OIT3: variants seen among roughly 807,000 people sequenced by gnomAD.
OIT3 encodes the protein oncoprotein-induced transcript 3 protein.
In OIT3, 41 loss-of-function variants were observed where a neutral mutation model predicts 52.2. That is an observed-to-expected ratio of 0.79 (90% CI 0.61 to 1.02). The LOEUF (loss-of-function observed/expected upper bound fraction) is 1.02. Ranked by LOEUF, OIT3 falls within the 50% of genes least tolerant of loss-of-function variation. The pLI is 0.00. For synonymous variants in OIT3, 244 were observed against 276.9 expected (o/e 0.88, Z 1.18); for missense variants, 634 against 715.5 (o/e 0.89, Z 1.30).
At chr10:72,932,227 T>C in intron 8 of OIT3, 127 bp from the exon 9 acceptor site, 1 of 844,026 alleles carries the variant, frequency 1.2e-6, no homozygotes, top group Non-Finnish European at 1.9e-6. Flanking sequence ...TGATAAACTC[T>C]ACTTGTGGAT....
Position 72,930,571 on chromosome 10 carries a change from A to G in OIT3, c.1401A>G (p.Thr467=), listed in dbSNP as rs557038089. 2.2e-5 allele frequency: 36 copies of G among 1,613,760 alleles called. No individual in the cohort carries two copies. The South Asian group carries it at 3.8e-4, about 17-fold the overall frequency. ...CVSDDSVKQY[T]SRDHLAKHFQ... is the part of the protein sequence containing the mutation. Reference sequence around the variant, plus strand: ...CAGATGACTCGGTAAAGCAGTACACATCCCGGGATCACCTAGCAAAGCACT... The same window carrying G: ...CAGATGACTCGGTAAAGCAGTACACGTCCCGGGATCACCTAGCAAAGCACT... The change falls in exon 8 of 9, where the codon ACA becomes ACG. Residue 467 remains threonine, a synonymous_variant. Coordinates refer to ENST00000334011, the MANE Select transcript of OIT3 (RefSeq NM_152635.3).
chr10:72,894,812 C>T (rs776366130), intron 1 of OIT3, among the ~76,000 whole-genome samples: 2 of 151,962 alleles, frequency 1.3e-5, no homozygotes, highest in East Asian at 1.9e-4. Context: ...CACTTGAACT[C>T]GGGATGTGGA....
In OIT3 at chr10:72,924,468, T is replaced by A; in HGVS notation, c.1191T>A (p.Asn397Lys). ...FPFTLEIFKDNEFEEPYREAL... is the reference protein window; with the variant it reads ...FPFTLEIFKDKEFEEPYREAL... ...TCACTCTGGAGATCTTCAAGGACAA[T>A]GAGTTTGAAGAGCCTTACCGGGAAG... Residue 397 changes from asparagine (N) to lysine (K), a missense_variant, in exon 7 of 9, where the codon AAT becomes AAA. Transcript: ENST00000334011. The A allele has an allele frequency of 6.2e-7, 1 of 1,614,152 alleles. No individual in the cohort carries two copies. The highest frequency in any genetic ancestry group is 8.5e-7 in the Non-Finnish European group (1 of 1,180,028).
intron 3 of OIT3, among the ~76,000 whole-genome samples, chr10:72,904,679 T>A (rs1175700717): frequency 3.3e-5 from 5 of 152,224 alleles, no homozygotes; most frequent in Non-Finnish European, 7.3e-5. Flanking sequence ...TTTTTCTGGA[T>A]AATTCTGTTA....
chr10:72,908,142 C>G (rs1164452717), intron 4 of OIT3, among the ~76,000 whole-genome samples: 1 of 152,038 alleles, frequency 6.6e-6, no homozygotes, highest in Non-Finnish European at 1.5e-5. Flanking sequence ...ACTCAGGTGG[C>G]TGAGGCACAA....
intron 4 of OIT3, among the ~76,000 whole-genome samples, chr10:72,908,671 A>G (rs1846001707): frequency 6.6e-6 from 1 of 152,138 alleles, no homozygotes; most frequent in Admixed American, 6.5e-5. Flanking sequence ...ATATTAATAA[A>G]ATGTTCCATA....
At chr10:72,894,491 C>T (rs945236573) in intron 1 of OIT3, among the ~76,000 whole-genome samples, 1 of 152,114 alleles carries the variant, frequency 6.6e-6, no homozygotes, top group Admixed American at 6.5e-5. Context: ...ATGGAGAGAA[C>T]CATCCTTCTT....
At chr10:72,923,847 C>A (rs1846142525) in intron 6 of OIT3, among the ~76,000 whole-genome samples, 1 of 152,120 alleles carries the variant, frequency 6.6e-6, no homozygotes. Flanking sequence ...GTTGTCCAAA[C>A]AACTGTCCAA....
intron 3 of OIT3, among the ~76,000 whole-genome samples, chr10:72,902,994 A>G (rs950376407): frequency 6.6e-6 from 1 of 152,134 alleles, no homozygotes; most frequent in African/African-American, 2.4e-5. Flanking sequence ...CAAAGCCCCA[A>G]GTTCCTATGT....
At chr10:72,906,767 C>A (rs1407567011) in intron 4 of OIT3, 49 bp downstream of exon 4, 1 of 1,493,328 alleles carries the variant, frequency 6.7e-7, no homozygotes, top group East Asian at 2.4e-5. Flanking sequence ...GAGGAAGCCA[C>A]TGGCTTATTC....
At chr10:72,910,954 A>G (rs1297692895) in intron 4 of OIT3, among the ~76,000 whole-genome samples, 3 of 152,212 alleles carry the variant, frequency 2.0e-5, no homozygotes, top group Non-Finnish European at 2.9e-5. Context: ...CCTCTGACCT[A>G]GAAGATAATG....
intron 6 of OIT3, chr10:72,918,279 G>A (rs896466600): frequency 1.0e-5 from 8 of 785,024 alleles, no homozygotes; most frequent in African/African-American, 1.7e-5. Flanking sequence ...AAGAGAAACC[G>A]TTGGCTATAC....
At chr10:72,930,968 G>A (rs1374718287) in intron 8 of OIT3, among the ~76,000 whole-genome samples, 2 of 152,194 alleles carry the variant, frequency 1.3e-5, no homozygotes, top group African/African-American at 2.4e-5. Context: ...AAATGGCAAG[G>A]GATATGGACA....
chr10:72,932,403 G>A lies in OIT3; in HGVS notation c.1517G>A (p.Arg506His), dbSNP rs370772733. 7.2e-5 allele frequency: 117 copies of A among 1,614,032 alleles called. No individual in the cohort carries two copies. The highest frequency in any genetic ancestry group is 9.1e-5 in the Non-Finnish European group (107 of 1,180,012). ...RVLVCGVLDE[R>H]SRCAQGCHRR... ...CTTGTCTGTGGAGTGTTGGACGAGC[G>A]TTCCCGCTGTGCCCAGGGTTGCCAC... Residue 506 changes from arginine (R) to histidine (H), a missense_variant, in exon 9 of 9, where the codon CGT becomes CAT. Physicochemically the swap from Arg to His is conservative, Grantham distance 29. Coordinates refer to ENST00000334011, the MANE Select transcript of OIT3 (RefSeq NM_152635.3).
At chr10:72,925,459 G>C (rs975492498) in intron 7 of OIT3, among the ~76,000 whole-genome samples, 1 of 152,172 alleles carries the variant, frequency 6.6e-6, no homozygotes, top group Admixed American at 6.5e-5. Flanking sequence ...GTGGAGGTGA[G>C]ATCCTGTTCA....
intron 3 of OIT3, among the ~76,000 whole-genome samples, chr10:72,902,441 T>C (rs556182867): frequency 6.6e-6 from 1 of 152,254 alleles, no homozygotes; most frequent in African/African-American, 2.4e-5. Flanking sequence ...CTTCCCCAAC[T>C]CCATCCCAAG....
chr10:72,902,032 C>T (rs1342711832), intron 3 of OIT3, among the ~76,000 whole-genome samples: 1 of 152,100 alleles, frequency 6.6e-6, no homozygotes, highest in Non-Finnish European at 1.5e-5. Context: ...GAGCAAGACC[C>T]TGTCTCTGAA....
At chr10:72,917,475 C>T (rs1846083742) in intron 6 of OIT3, among the ~76,000 whole-genome samples, 1 of 152,084 alleles carries the variant, frequency 6.6e-6, no homozygotes, top group Admixed American at 6.6e-5. Flanking sequence ...ACTAAACAGG[C>T]ATTTTGGACA....
chr10:72,925,695 C>T (rs1308207582), intron 7 of OIT3, among the ~76,000 whole-genome samples: 1 of 152,134 alleles, frequency 6.6e-6, no homozygotes, highest in Non-Finnish European at 1.5e-5. Context: ...TCACTGCAAC[C>T]TTGATCCTCA....
Sources: allele counts gnomAD v4.1 joint callset (sites outside exome capture counted in the v4.1 genomes callset), GRCh38; gene constraint gnomAD v4.1.1; transcripts MANE v1.5; gene names NCBI Gene and HGNC (gene_info 2026-07-23, HGNC 2026-07-21).